Variants in CLVS2 observed in about 807,000 individuals in gnomAD.
CLVS2 encodes the protein clavesin-2.
CLVS2 carries 19 observed loss-of-function variants against 29.0 expected under a neutral mutation model. That is an observed-to-expected ratio of 0.66 (90% CI 0.46 to 0.96). The LOEUF (loss-of-function observed/expected upper bound fraction) is 0.96, where lower values mean the gene tolerates loss of function less well. Among genes scored for constraint, CLVS2 ranks in the 40% least tolerant of loss-of-function variants. The pLI, the probability that CLVS2 is intolerant of heterozygous loss-of-function variation, is 0.00. For synonymous variants in CLVS2, 161 were observed against 151.3 expected (o/e 1.06, Z -0.47); for missense variants, 294 against 404.1 (o/e 0.73, Z 2.34).
intron 3 of CLVS2, among the ~76,000 whole-genome samples, chr6:123,037,899 G>A (rs187941921): frequency 2.8e-4 from 42 of 152,048 alleles, no homozygotes; most frequent in African/African-American, 9.2e-4. Flanking sequence ...CAATGTTCCC[G>A]CAGCACAGCT....
chr6:123,020,715 A>C (rs960103627), intron 3 of CLVS2, among the ~76,000 whole-genome samples: 1 of 152,100 alleles, frequency 6.6e-6, no homozygotes, highest in Non-Finnish European at 1.5e-5. Context: ...AACATGCAGA[A>C]GTCAATACAA....
chr6:123,039,461 T>C (rs563103031), intron 3 of CLVS2, among the ~76,000 whole-genome samples: 2 of 152,292 alleles, frequency 1.3e-5, no homozygotes, highest in Admixed American at 1.3e-4. Context: ...GAACACATTT[T>C]TATAAGGCGG....
chr6:123,008,750 A>C (rs1180465578), intron 2 of CLVS2, among the ~76,000 whole-genome samples: 1 of 151,686 alleles, frequency 6.6e-6, no homozygotes, highest in African/African-American at 2.4e-5. Context: ...CAACCTTCCA[A>C]TGCCTGTGTT....
At chr6:123,000,991 A>G (rs953693986) in intron 2 of CLVS2, among the ~76,000 whole-genome samples, 6 of 152,238 alleles carry the variant, frequency 3.9e-5, no homozygotes, top group Admixed American at 6.5e-5. Flanking sequence ...TTTTGAAACA[A>G]TTCGTAAAGA....
At chr6:123,004,962 A>T (rs1774645767) in intron 2 of CLVS2, among the ~76,000 whole-genome samples, 1 of 133,592 alleles carries the variant, frequency 7.5e-6, no homozygotes, top group Non-Finnish European at 1.7e-5. Flanking sequence ...AAAAAAAAAA[A>T]AACCAATTAT....
rs768633966 is a variant in CLVS2 at position 123,055,992 on chromosome 6, G to A, written c.862G>A (p.Val288Ile). The change falls in exon 5 of 6, where the codon GTA becomes ATA. Residue 288 changes from valine to isoleucine, a missense_variant. Physicochemically the swap from Val to Ile is conservative, Grantham distance 29. Coordinates refer to ENST00000275162, the MANE Select transcript of CLVS2 (RefSeq NM_001010852.4). ...CTCCTACAGCATGCCTGTGAAGGAA[G>A]TAGAGAAGGAACTCTCCCCAAAGTC... The part of the protein sequence containing the change: ...VDSYSMPVKE[V>I]EKELSPKSMK... The A allele has an allele frequency of 7.4e-6, 12 of 1,613,672 alleles. No individual in the cohort carries two copies. The highest frequency in any genetic ancestry group is 1.0e-5 in the Non-Finnish European group (12 of 1,179,832).
intron 5 of CLVS2, among the ~76,000 whole-genome samples, chr6:123,060,902 T>G (rs1047329605): frequency 2.6e-5 from 4 of 152,232 alleles, no homozygotes; most frequent in East Asian, 3.8e-4. Flanking sequence ...CACTATGTAT[T>G]GTAGATGCAT....
In CLVS2 at chr6:123,063,967, A is replaced by G; in HGVS notation, c.*206A>G. On this transcript the variant is annotated 3_prime_UTR_variant, in exon 6 of 6. Transcript: ENST00000275162. Reference sequence around the variant, plus strand: ...TAAAATGTCAATAATTTATTCTGTAAGTGCCAAGTTGTTTGTAAATATAAT... The same window carrying G: ...TAAAATGTCAATAATTTATTCTGTAGGTGCCAAGTTGTTTGTAAATATAAT... The G allele has an allele frequency of 2.3e-6, 1 of 439,790 alleles. No homozygotes were observed. 27.2% of individuals were successfully genotyped at this position (439,790 alleles called of 1,614,324 possible).
At chr6:123,061,597 T>C (rs1410758966) in intron 5 of CLVS2, among the ~76,000 whole-genome samples, 2 of 152,234 alleles carry the variant, frequency 1.3e-5, no homozygotes, top group Non-Finnish European at 2.9e-5. Flanking sequence ...ACAATCCTCA[T>C]ATCTGTAGTG....
At chr6:123,017,088 ATGTG>A (rs61643251) in intron 3 of CLVS2, among the ~76,000 whole-genome samples, 45,473 of 148,936 alleles carry the variant, frequency 0.31, 7,656 homozygotes, top group East Asian at 0.69. Context: ...GCATGTGTGT[ATGTG>A]TGTGTGTGTG....
chr6:123,044,198 A>G (rs761684173), intron 3 of CLVS2, among the ~76,000 whole-genome samples: 10 of 152,146 alleles, frequency 6.6e-5, no homozygotes, highest in Non-Finnish European at 1.3e-4. Flanking sequence ...AGGCCATTCT[A>G]TTTCATTGTC....
At chr6:123,028,042 A>G (rs1344285476) in intron 3 of CLVS2, among the ~76,000 whole-genome samples, 1 of 152,196 alleles carries the variant, frequency 6.6e-6, no homozygotes, top group African/African-American at 2.4e-5. Flanking sequence ...AACTTTGTAT[A>G]CTTTAAAGGT....
Position 123,062,176 on chromosome 6 carries a change from T to A in CLVS2, c.897-1498T>A, listed in dbSNP as rs1358735917. On this transcript the variant is annotated intron_variant, in intron 5 of 5. Coordinates refer to ENST00000275162, the MANE Select transcript of CLVS2 (RefSeq NM_001010852.4). The stretch of plus-strand genomic sequence containing the variant: ...GACATTAAATGAGCCTCTTTCTCTT[T>A]GAACATGAATTCATCTGAGAGCCAA... 2.0e-5 allele frequency among the ~76,000 whole-genome samples: 3 copies of A among 152,158 alleles called. No homozygotes were observed. In the East Asian group the frequency reaches 5.8e-4, roughly 29 times the overall value.
chr6:123,029,459 T>C lies in CLVS2; in HGVS notation c.564+18300T>C, dbSNP rs116511825. Among the ~76,000 whole-genome samples the C allele has an allele frequency of 7.9e-3, 1,210 of 152,300 alleles. 13 individuals are homozygous for C. Among genetic ancestry groups the C allele is most frequent in the African/African-American group, 0.027 (1,120 of 41,574 alleles). ...AGAAAATGCATCGTTGGAAGCATTA[T>C]AGACTAAGAAACAGTTGATGGAGAG... On this transcript the variant is annotated intron_variant, in intron 3 of 5. Transcript: ENST00000275162.
chr6:122,997,887 T>C lies in CLVS2; in HGVS notation c.110T>C (p.Met37Thr). 1 of 1,614,196 alleles carries C rather than the reference T, an allele frequency of 6.2e-7. No homozygotes were observed. Among genetic ancestry groups the C allele is most frequent in the Non-Finnish European group, 8.5e-7 (1 of 1,180,032 alleles). ...LHQDIQEVRD[M>T]VITRPDIGFL... is the part of the protein sequence containing the mutation. The stretch of plus-strand genomic sequence containing the variant: ...CAGGACATCCAGGAGGTGAGGGATA[T>C]GGTCATCACCAGGCCGGACATTGGC... The change falls in exon 2 of 6, where the codon ATG becomes ACG. Residue 37 changes from methionine (M) to threonine (T), a missense_variant. Coordinates refer to ENST00000275162, the MANE Select transcript of CLVS2 (RefSeq NM_001010852.4).
chr6:123,018,685 TA>T (rs386408487), intron 3 of CLVS2, among the ~76,000 whole-genome samples: 47 of 143,274 alleles, frequency 3.3e-4, no homozygotes, highest in East Asian at 2.3e-3. Context: ...TTTTTTTTTT[TA>T]AAAAAAAGTG....
intron 2 of CLVS2, among the ~76,000 whole-genome samples, chr6:123,003,181 C>A (rs1216996074): frequency 2.6e-5 from 4 of 152,190 alleles, no homozygotes; most frequent in Non-Finnish European, 4.4e-5. Flanking sequence ...GCAAAAACTA[C>A]AAGTGCCAAC....
At chr6:123,038,991 T>C (rs62422420) in intron 3 of CLVS2, among the ~76,000 whole-genome samples, 40,025 of 152,012 alleles carry the variant, frequency 0.26, 6,252 homozygotes, top group East Asian at 0.7. Context: ...GTATGGCCCC[T>C]CCTCAGAATA....
chr6:123,050,645 T>C (rs1463380998), intron 4 of CLVS2, among the ~76,000 whole-genome samples: 1 of 151,738 alleles, frequency 6.6e-6, no homozygotes, highest in East Asian at 1.9e-4. Flanking sequence ...GGGCAGATGA[T>C]AGGGGATGGA....
Sources: allele counts gnomAD v4.1 joint callset (sites outside exome capture counted in the v4.1 genomes callset), GRCh38; gene constraint gnomAD v4.1.1; transcripts MANE v1.5; gene names NCBI Gene and HGNC (gene_info 2026-07-23, HGNC 2026-07-21).